NFIA: variants seen among roughly 807,000 people sequenced by gnomAD.
NFIA encodes nuclear factor I A, also known as nuclear factor 1 A-type.
Under a neutral mutation model 62.8 loss-of-function variants are expected in NFIA, and 8 were observed. The observed-to-expected ratio is 0.13, with a 90% CI of 0.07 to 0.23. NFIA has a LOEUF of 0.23. Among genes scored for constraint, NFIA ranks in the 10% least tolerant of loss-of-function variants. NFIA has a pLI of 1.00. For missense variants in NFIA, 410 were observed against 642.1 expected, an observed-to-expected ratio of 0.64 and a Z score of 3.91; for synonymous variants, 235 against 238.1, an observed-to-expected ratio of 0.99 and a Z score of 0.12.
intron 3 of NFIA, among the ~76,000 whole-genome samples, chr1:61,287,755 G>A (rs768843745): frequency 5.3e-5 from 8 of 151,626 alleles, no homozygotes; most frequent in African/African-American, 9.7e-5. Context: ...CACAAACAAA[G>A]TATTCATTGT....
intron 2 of NFIA, among the ~76,000 whole-genome samples, chr1:61,241,349 G>A (rs983144293): frequency 2.0e-5 from 3 of 152,078 alleles, no homozygotes; most frequent in African/African-American, 4.8e-5. Flanking sequence ...AGCTGCTTTC[G>A]TGCAATGTAT....
At chr1:61,431,697 G>A (rs1240013968) in intron 10 of NFIA, among the ~76,000 whole-genome samples, 1 of 152,254 alleles carries the variant, frequency 6.6e-6, no homozygotes, top group Non-Finnish European at 1.5e-5. Flanking sequence ...TGTGCTGGAA[G>A]CTGGCTGATC....
intron 2 of NFIA, among the ~76,000 whole-genome samples, chr1:61,153,844 T>C (rs988149142): frequency 6.6e-5 from 10 of 152,358 alleles, no homozygotes; most frequent in African/African-American, 2.4e-4. Context: ...AGTTGTCTCC[T>C]TATTGGTCAG....
chr1:61,340,021 A>G (rs1194997608), intron 4 of NFIA, among the ~76,000 whole-genome samples: 1 of 152,232 alleles, frequency 6.6e-6, no homozygotes, highest in African/African-American at 2.4e-5. Flanking sequence ...ACTGCTCTGC[A>G]TGAAGGTCTA....
rs989793714 is a variant in NFIA at position 61,192,658 on chromosome 1, G to A, written c.560-84862G>A. Among the ~76,000 whole-genome samples, 31 of 151,868 alleles carry A rather than the reference G, an allele frequency of 2.0e-4. 1 individual carries two copies. The highest frequency in any genetic ancestry group is 1.9e-4 in the Non-Finnish European group (13 of 67,950). Reference sequence around the variant, plus strand: ...GCGGAGGTTGCAGTGAGCCGAGATCGTGCCATTGCACTCCAGCCTGGGTGA... The same window carrying A: ...GCGGAGGTTGCAGTGAGCCGAGATCATGCCATTGCACTCCAGCCTGGGTGA... On this transcript the variant is annotated intron_variant, in intron 2 of 10. Coordinates refer to ENST00000403491, the MANE Select transcript of NFIA (RefSeq NM_001134673.4).
chr1:61,268,321 G>C (rs901553213), intron 2 of NFIA, among the ~76,000 whole-genome samples: 4 of 152,090 alleles, frequency 2.6e-5, no homozygotes, highest in Non-Finnish European at 4.4e-5. Context: ...GATATGACAA[G>C]ACCCAGTTGA....
chr1:61,410,864 G>A lies in NFIA; in HGVS notation c.1420+4137G>A, dbSNP rs143047429. ...TGAGGCTGCAGTGAACCAAGATCACGCCACTGCATTCCAGCCTGGGTGACA... is the reference window on the plus strand; with the variant it reads ...TGAGGCTGCAGTGAACCAAGATCACACCACTGCATTCCAGCCTGGGTGACA... On this transcript the variant is annotated intron_variant, in intron 9 of 10. Coordinates refer to ENST00000403491, the MANE Select transcript of NFIA (RefSeq NM_001134673.4). Among the ~76,000 whole-genome samples the A allele has an allele frequency of 5.9e-3, 905 of 152,192 alleles. 14 individuals carry two copies. The highest frequency in any genetic ancestry group is 0.021 in the African/African-American group (862 of 41,494).
At chr1:61,127,412 G>A (rs931325239) in intron 2 of NFIA, among the ~76,000 whole-genome samples, 1 of 147,088 alleles carries the variant, frequency 6.8e-6, no homozygotes, top group African/African-American at 2.5e-5. Context: ...AGCTGAGATC[G>A]CATCGTGTCA....
chr1:61,241,782 G>A (rs989850820), intron 2 of NFIA, among the ~76,000 whole-genome samples: 3 of 152,026 alleles, frequency 2.0e-5, no homozygotes, highest in East Asian at 3.9e-4. Flanking sequence ...TAGTCACCAC[G>A]TACTACTTGT....
At position 61,178,454 on chromosome 1, in the gene NFIA, T is replaced by C. The variant is rs1373812795; in HGVS notation, c.559+89774T>C. On this transcript the variant is annotated intron_variant, in intron 2 of 10. Transcript: ENST00000403491. ...TTCCAAATGCCTTAAAAAACAATTC[T>C]ACCACGATATAGGAGCCATTATCCT... 2.6e-5 allele frequency among the ~76,000 whole-genome samples: 4 copies of C among 152,204 alleles called. No homozygotes were observed. The East Asian group carries it at 7.7e-4, about 29-fold the overall frequency.
intron 2 of NFIA, among the ~76,000 whole-genome samples, chr1:61,150,859 G>C (rs940633595): frequency 6.6e-6 from 1 of 152,148 alleles, no homozygotes; most frequent in Non-Finnish European, 1.5e-5. Context: ...ATATTAGTAA[G>C]AATGGGGAGG....
At chr1:61,405,864 A>G (rs1569787305) in intron 8 of NFIA, among the ~76,000 whole-genome samples, 1 of 152,198 alleles carries the variant, frequency 6.6e-6, no homozygotes, top group East Asian at 1.9e-4. Flanking sequence ...AGCAAAATAA[A>G]TATGACTCTT....
chr1:61,192,196 A>G (rs1292880418), intron 2 of NFIA, among the ~76,000 whole-genome samples: 1 of 152,114 alleles, frequency 6.6e-6, no homozygotes, highest in Non-Finnish European at 1.5e-5. Context: ...CTGACCTTGT[A>G]ATCCGCCCGC....
At chr1:61,178,859 T>G (rs1295005487) in intron 2 of NFIA, among the ~76,000 whole-genome samples, 1 of 152,210 alleles carries the variant, frequency 6.6e-6, no homozygotes, top group South Asian at 2.1e-4. Flanking sequence ...CCAGGAAGTA[T>G]GGTGAGGGCA....
chr1:61,331,361 T>G (rs1661289931), intron 3 of NFIA, among the ~76,000 whole-genome samples: 1 of 152,006 alleles, frequency 6.6e-6, no homozygotes, highest in South Asian at 2.1e-4. Flanking sequence ...TTTTTGCATG[T>G]GTTTATGTGT....
chr1:61,248,746 T>C lies in NFIA; in HGVS notation c.560-28774T>C, dbSNP rs1655814707. On this transcript the variant is annotated intron_variant, in intron 2 of 10. Coordinates refer to ENST00000403491, the MANE Select transcript of NFIA (RefSeq NM_001134673.4). ...ATATTCAGTGACCATTTCTGGTTTC[T>C]GGGGCATAACTAAAACTAAATAACT... 2.6e-5 allele frequency among the ~76,000 whole-genome samples: 4 copies of C among 152,356 alleles called. No individual in the cohort carries two copies. The South Asian group carries it at 8.3e-4, about 32-fold the overall frequency.
At chr1:61,100,806 G>A (rs1235333882) in intron 2 of NFIA, among the ~76,000 whole-genome samples, 1 of 151,958 alleles carries the variant, frequency 6.6e-6, no homozygotes, top group Non-Finnish European at 1.5e-5. Flanking sequence ...CATTGCCCAG[G>A]CTGGTCACTG....
At chr1:61,234,126 G>A (rs1654838682) in intron 2 of NFIA, among the ~76,000 whole-genome samples, 1 of 151,960 alleles carries the variant, frequency 6.6e-6, no homozygotes, top group African/African-American at 2.4e-5. Flanking sequence ...CCAGCACTTT[G>A]GGAGGCCGAG....
At chr1:61,450,497 C>A (rs2474360) in intron 10 of NFIA, among the ~76,000 whole-genome samples, 3,324 of 152,250 alleles carry the variant, frequency 0.022, 112 homozygotes, top group African/African-American at 0.076. Flanking sequence ...TGCACAACAG[C>A]GACAGCAGCT....
Sources: gnomAD v4.1 joint callset for allele counts (sites outside exome capture counted in the v4.1 genomes callset) on GRCh38, gnomAD v4.1.1 for gene constraint, MANE v1.5 for transcripts, NCBI Gene and HGNC (gene_info 2026-07-23, HGNC 2026-07-21) for gene names.